The following TCAIM variants were observed in gnomAD, a reference collection of about 807,000 sequenced individuals.
TCAIM encodes the protein T cell activation inhibitor, mitochondrial, also known as T-cell activation inhibitor, mitochondrial.
In TCAIM, 36 loss-of-function variants were observed where a neutral mutation model predicts 58.6. That is an observed-to-expected ratio of 0.61 (90% confidence interval 0.47 to 0.81). The LOEUF (loss-of-function observed/expected upper bound fraction) is 0.81. Among genes scored for constraint, TCAIM ranks in the 30% least tolerant of loss-of-function variants. The probability of loss-of-function intolerance (pLI) is 0.00; values close to 1 mark genes in which losing one functional copy is unlikely to be tolerated. For missense variants in TCAIM, 466 were observed against 579.6 expected, an observed-to-expected ratio of 0.80 and a Z score of 2.01; for synonymous variants, 172 against 193.6, an observed-to-expected ratio of 0.89 and a Z score of 0.93.
intron 1 of TCAIM, among the ~76,000 whole-genome samples, chr3:44,341,965 CTG>C (rs550907662): frequency 9.3e-4 from 141 of 152,268 alleles, no homozygotes; most frequent in Admixed American, 5.3e-3. Context: ...AGCATTTTGT[CTG>C]TGTCTTTCCA....
chr3:44,385,713 A>G (rs2125647857), intron 5 of TCAIM, among the ~76,000 whole-genome samples: 1 of 152,286 alleles, frequency 6.6e-6, no homozygotes, highest in Admixed American at 6.5e-5. Flanking sequence ...ACTGCACTCC[A>G]GCCTGGGCAA....
At chr3:44,368,969 A>G (rs1701422465) in intron 5 of TCAIM, among the ~76,000 whole-genome samples, 1 of 152,098 alleles carries the variant, frequency 6.6e-6, no homozygotes, top group South Asian at 2.1e-4. Context: ...GCTGCGGTGA[A>G]CTATGATTGT....
intron 3 of TCAIM, chr3:44,358,935 A>G (rs765201805): frequency 1.4e-5 from 14 of 985,306 alleles, no homozygotes; most frequent in Admixed American, 6.1e-5. Context: ...TGGCTACTCA[A>G]AGTCAGAACT....
At position 44,400,480 on chromosome 3, in the gene TCAIM, A is replaced by C; in HGVS notation, c.1011A>C (p.Thr337=). 6.2e-7 allele frequency: 1 copy of C among 1,613,760 alleles called. No individual in the cohort carries two copies. Among genetic ancestry groups the C allele is most frequent in the African/African-American group, 1.3e-5 (1 of 75,044 alleles). ...VYIEELQPVL[T]LEEYYSLLDV... is the part of the protein sequence containing the mutation. ...TTGAAGAATTACAGCCAGTATTGAC[A>C]CTTGAAGAATATTACTCTCTTCTTG... Residue 337 remains threonine, a synonymous_variant, in exon 9 of 11, where the codon ACA becomes ACC. Transcript: ENST00000342649.
intron 6 of TCAIM, among the ~76,000 whole-genome samples, chr3:44,395,713 G>A (rs1172117727): frequency 2.0e-5 from 3 of 152,222 alleles, no homozygotes; most frequent in Non-Finnish European, 4.4e-5. Context: ...GGTCAGGTAC[G>A]GTGGCTCACG....
At chr3:44,374,286 C>CTTTTTTTTTTTTT in intron 5 of TCAIM, among the ~76,000 whole-genome samples, 1 of 119,870 alleles carries the variant, frequency 8.3e-6, no homozygotes, top group Non-Finnish European at 1.8e-5. Flanking sequence ...GCTTTGCTTT[C>CTTTTTTTTTTTTT]TTTTTTTTTT....
intron 5 of TCAIM, 83 bp downstream of exon 5, chr3:44,367,791 T>G: frequency 7.4e-7 from 1 of 1,346,788 alleles, no homozygotes; most frequent in Non-Finnish European, 9.8e-7. Flanking sequence ...AAAAACATTT[T>G]TTTATAAATA....
intron 8 of TCAIM, among the ~76,000 whole-genome samples, chr3:44,397,908 C>T (rs750207570): frequency 2.0e-5 from 3 of 151,720 alleles, no homozygotes; most frequent in Non-Finnish European, 4.4e-5. Flanking sequence ...AACCGTATAT[C>T]TGACAAAGAC....
At chr3:44,383,605 G>A (rs1374406200) in intron 5 of TCAIM, among the ~76,000 whole-genome samples, 3 of 152,052 alleles carry the variant, frequency 2.0e-5, no homozygotes, top group Non-Finnish European at 4.4e-5. Flanking sequence ...GATGAAAAGA[G>A]TTCTGAAAAT....
At chr3:44,396,695 G>T (rs1023350513) in intron 7 of TCAIM, 48 bp from the exon 8 acceptor site, 2 of 1,587,928 alleles carry the variant, frequency 1.3e-6, no homozygotes, top group East Asian at 4.5e-5. Context: ...AATGCTGAAA[G>T]AATGAAGCAC....
chr3:44,375,695 G>C (rs191692330), intron 5 of TCAIM, among the ~76,000 whole-genome samples: 2 of 152,320 alleles, frequency 1.3e-5, no homozygotes, highest in East Asian at 3.9e-4. Flanking sequence ...TATTCTAAAA[G>C]AGAATAACAA....
In TCAIM at chr3:44,358,413, G is replaced by T. The variant is rs182370686; in HGVS notation, c.165+537G>T. Reference sequence around the variant, plus strand: ...ATACAGTCAGTCCTTCATATCCATGGGTTTTACATCCATGGATTCAACCAA... The same window carrying T: ...ATACAGTCAGTCCTTCATATCCATGTGTTTTACATCCATGGATTCAACCAA... On this transcript the variant is annotated intron_variant, in intron 3 of 10. Transcript: ENST00000342649. The T allele has an allele frequency of 1.8e-4, 109 of 606,486 alleles. No individual in the cohort carries two copies. In the African/African-American group the frequency reaches 2.0e-3, roughly 11 times the overall value. 37.6% of individuals were successfully genotyped at this position (606,486 alleles called of 1,614,324 possible).
At position 44,347,352 on chromosome 3, in the gene TCAIM, T is replaced by C. The variant is rs116712851; in HGVS notation, c.-44-7387T>C. Among the ~76,000 whole-genome samples the C allele has an allele frequency of 2.0e-3, 301 of 152,258 alleles. 1 individual carries two copies. Among genetic ancestry groups the C allele is most frequent in the Non-Finnish European group, 3.2e-3 (219 of 68,018 alleles). On this transcript the variant is annotated intron_variant, in intron 1 of 10. Coordinates refer to ENST00000342649, the MANE Select transcript of TCAIM (RefSeq NM_173826.4). ...AGATGGACAGAAAGAGAGTAAATTA[T>C]GAGAAAGGGCTTGACCGAAGTAATG...
At chr3:44,363,920 C>CTCTT (rs1701328627) in intron 4 of TCAIM, among the ~76,000 whole-genome samples, 1 of 67,390 alleles carries the variant, frequency 1.5e-5, no homozygotes, top group Non-Finnish European at 2.6e-5. Flanking sequence ...GCAAGTCTGT[C>CTCTT]TTTTTTTTTT....
At chr3:44,372,027 AAGGAAGGAAGGAAGGAAG>A (rs1701481289) in intron 5 of TCAIM, among the ~76,000 whole-genome samples, 1 of 138,340 alleles carries the variant, frequency 7.2e-6, no homozygotes, top group Admixed American at 7.3e-5. Context: ...GGAAGGAAGG[AAGGAAGGAAGGAAGGAAG>A]GAAGGAAGGA....
intron 1 of TCAIM, among the ~76,000 whole-genome samples, chr3:44,344,976 CT>C (rs1700935473): frequency 6.6e-6 from 1 of 152,168 alleles, no homozygotes; most frequent in South Asian, 2.1e-4. Flanking sequence ...TCTTCAGTTA[CT>C]TCAGGCCATC....
intron 1 of TCAIM, among the ~76,000 whole-genome samples, chr3:44,343,913 A>T (rs1433564268): frequency 6.6e-6 from 1 of 151,950 alleles, no homozygotes; most frequent in Non-Finnish European, 1.5e-5. Flanking sequence ...TAGTTTAGTT[A>T]TACTCTGTGA....
chr3:44,373,349 TA>T, intron 5 of TCAIM, among the ~76,000 whole-genome samples: 1 of 152,282 alleles, frequency 6.6e-6, no homozygotes, highest in Middle Eastern at 3.4e-3. Context: ...ATTCCTTTGT[TA>T]TATACCTATA....
chr3:44,373,972 TTACAGC>T (rs1376152148), intron 5 of TCAIM, among the ~76,000 whole-genome samples: 4 of 152,236 alleles, frequency 2.6e-5, no homozygotes, highest in African/African-American at 9.6e-5. Flanking sequence ...AATACTATTC[TTACAGC>T]TACTAAGATA....
Sources: allele counts gnomAD v4.1 joint callset (sites outside exome capture counted in the v4.1 genomes callset), GRCh38; gene constraint gnomAD v4.1.1; transcripts MANE v1.5; gene names NCBI Gene and HGNC (gene_info 2026-07-23, HGNC 2026-07-21).